C10orf90: variants seen among roughly 807,000 people sequenced by gnomAD.
The protein encoded by C10orf90 is chromosome 10 open reading frame 90, also known as (E2-independent) E3 ubiquitin-conjugating enzyme FATS.
A neutral mutation model predicts 62.5 loss-of-function variants in C10orf90; 56 were observed. The observed-to-expected ratio is 0.90, with a 90% CI of 0.72 to 1.12. C10orf90 has a LOEUF of 1.12. Ranked by LOEUF, C10orf90 falls within the 50% of genes most tolerant of loss-of-function variation. C10orf90 has a pLI of 0.00. For missense variants in C10orf90, 970 were observed against 880.4 expected (o/e 1.10, Z -1.29); for synonymous variants, 386 against 340.4 (o/e 1.13, Z -1.47).
At chr10:126,470,215 A>T (rs906040685) in intron 4 of C10orf90, 1 of 382,064 alleles carries the variant, frequency 2.6e-6, no homozygotes, top group Non-Finnish European at 5.3e-6. Context: ...AGGAGGAGGG[A>T]AGGCATTCTT....
chr10:126,552,362 A>G (rs1239321971), intron 2 of C10orf90, among the ~76,000 whole-genome samples: 1 of 152,232 alleles, frequency 6.6e-6, no homozygotes, highest in Non-Finnish European at 1.5e-5. Flanking sequence ...ACTGTAGCAC[A>G]AATTTGCATT....
At chr10:126,556,103 T>C (rs1864766176) in intron 2 of C10orf90, among the ~76,000 whole-genome samples, 1 of 152,214 alleles carries the variant, frequency 6.6e-6, no homozygotes, top group South Asian at 2.1e-4. Flanking sequence ...TCTGATAGTA[T>C]CAAAACCAGC....
At chr10:126,653,701 G>A (rs1375197942) in intron 1 of C10orf90, among the ~76,000 whole-genome samples, 1 of 152,108 alleles carries the variant, frequency 6.6e-6, no homozygotes, top group Admixed American at 6.5e-5. Context: ...GTTCCTAATG[G>A]CATCTAGAAT....
intron 1 of C10orf90, among the ~76,000 whole-genome samples, chr10:126,652,585 G>A (rs4287264): frequency 6.6e-6 from 1 of 152,196 alleles, no homozygotes; most frequent in African/African-American, 2.4e-5. Context: ...GTGGTCTGCA[G>A]AGCGTTCACT....
At chr10:126,581,551 A>G (rs1353295054) in intron 2 of C10orf90, among the ~76,000 whole-genome samples, 1 of 152,018 alleles carries the variant, frequency 6.6e-6, no homozygotes, top group African/African-American at 2.4e-5. Context: ...CTCCTTTCTT[A>G]GGGCACAGAC....
chr10:126,548,374 C>CT (rs982705819), intron 2 of C10orf90, among the ~76,000 whole-genome samples: 21 of 149,946 alleles, frequency 1.4e-4, no homozygotes, highest in Admixed American at 2.7e-4. Flanking sequence ...AAGACCCCAT[C>CT]TTTTTTTTTT....
intron 2 of C10orf90, among the ~76,000 whole-genome samples, chr10:126,565,075 A>C (rs1216489554): frequency 1.7e-4 from 4 of 23,684 alleles, no homozygotes; most frequent in African/African-American, 5.0e-4. Context: ...TATTATATAT[A>C]ATATATAAAA....
intron 2 of C10orf90, among the ~76,000 whole-genome samples, chr10:126,563,227 T>G (rs548995335): frequency 5.9e-5 from 9 of 152,232 alleles, no homozygotes; most frequent in African/African-American, 2.2e-4. Flanking sequence ...TGCAGTAGCG[T>G]GGGGCTAAAG....
chr10:126,565,388 A>AT (rs1464973588), intron 2 of C10orf90, among the ~76,000 whole-genome samples: 7 of 74,626 alleles, frequency 9.4e-5, no homozygotes, highest in South Asian at 6.2e-4. Flanking sequence ...AATATATATT[A>AT]TATATATTAT....
At chr10:126,621,995 C>T (rs1845652910) in intron 2 of C10orf90, among the ~76,000 whole-genome samples, 1 of 151,868 alleles carries the variant, frequency 6.6e-6, no homozygotes, top group Non-Finnish European at 1.5e-5. Context: ...CCTTCAGATT[C>T]CCAGGTTAGC....
chr10:126,500,552 G>A (rs898728768), intron 4 of C10orf90, among the ~76,000 whole-genome samples: 1 of 152,138 alleles, frequency 6.6e-6, no homozygotes, highest in Non-Finnish European at 1.5e-5. Flanking sequence ...GACAAGAATG[G>A]GGATTAAATT....
chr10:126,431,632 G>T (rs1857574044), intron 7 of C10orf90, among the ~76,000 whole-genome samples: 1 of 152,162 alleles, frequency 6.6e-6, no homozygotes, highest in Non-Finnish European at 1.5e-5. Flanking sequence ...TTCAAGTCCA[G>T]CTCAGCAATC....
rs114316301 is a variant in C10orf90 at position 126,595,774 on chromosome 10, G to A, written c.313+50791C>T. Among the ~76,000 whole-genome samples the A allele has an allele frequency of 4.8e-3, 733 of 152,236 alleles. 8 individuals are homozygous for A. Among genetic ancestry groups the A allele is most frequent in the African/African-American group, 0.017 (705 of 41,528 alleles). On this transcript the variant is annotated intron_variant, in intron 2 of 9. Coordinates refer to ENST00000488181, the MANE Select transcript of C10orf90 (RefSeq NM_001350921.2). The stretch of plus-strand genomic sequence containing the variant: ...AATAAAGGCGAATATAGCAGTGGAG[G>A]AGCCCTGACTGGGATTGAGGAGCAG...
intron 2 of C10orf90, among the ~76,000 whole-genome samples, chr10:126,542,682 G>C (rs1864404769): frequency 6.6e-6 from 1 of 152,094 alleles, no homozygotes; most frequent in Non-Finnish European, 1.5e-5. Context: ...GAGATACTCT[G>C]TCTTTTCTTT....
intron 2 of C10orf90, among the ~76,000 whole-genome samples, chr10:126,516,868 G>C (rs1228132519): frequency 6.2e-5 from 1 of 16,236 alleles, no homozygotes; most frequent in Non-Finnish European, 1.1e-4. Flanking sequence ...TTTTCAGCTT[G>C]TAGAGGCTCA....
At chr10:126,555,606 G>A (rs577995137) in intron 2 of C10orf90, among the ~76,000 whole-genome samples, 1 of 152,030 alleles carries the variant, frequency 6.6e-6, no homozygotes, top group East Asian at 1.9e-4. Context: ...TTGAACCTGG[G>A]AGGTGGAGGT....
At chr10:126,474,161 G>A (rs928969230) in intron 4 of C10orf90, among the ~76,000 whole-genome samples, 1 of 152,146 alleles carries the variant, frequency 6.6e-6, no homozygotes, top group African/African-American at 2.4e-5. Flanking sequence ...CACATCTGAG[G>A]AGCAGGACCT....
At chr10:126,458,935 T>C (rs1482814963) in intron 7 of C10orf90, 105 bp downstream of exon 7, 5 of 1,220,210 alleles carry the variant, frequency 4.1e-6, no homozygotes, top group Middle Eastern at 2.9e-4. Context: ...GTTCTGCGTA[T>C]GTCAGTGGCA....
chr10:126,544,240 G>A (rs1489496636), intron 2 of C10orf90, among the ~76,000 whole-genome samples: 1 of 152,176 alleles, frequency 6.6e-6, no homozygotes, highest in Non-Finnish European at 1.5e-5. Flanking sequence ...TGTCCTTACA[G>A]ATGTGAAACT....
Sources: allele counts gnomAD v4.1 joint callset (sites outside exome capture counted in the v4.1 genomes callset), GRCh38; gene constraint gnomAD v4.1.1; transcripts MANE v1.5; gene names NCBI Gene and HGNC (gene_info 2026-07-23, HGNC 2026-07-21).